The following TRIM33 variants were observed in gnomAD, a reference collection of about 807,000 sequenced individuals.
The protein encoded by TRIM33 is tripartite motif containing 33, also known as E3 ubiquitin-protein ligase TRIM33.
In TRIM33, 20 loss-of-function variants were observed where a neutral mutation model predicts 125.4. The ratio of observed to expected loss-of-function variants is 0.16; its 90% CI spans 0.11 to 0.23. The LOEUF is 0.23. Among genes scored for constraint, TRIM33 ranks in the 10% least tolerant of loss-of-function variants. The pLI is 1.00. For synonymous variants in TRIM33, 564 were observed against 513.9 expected, an observed-to-expected ratio of 1.10 and a Z score of -1.32; for missense variants, 920 against 1,411.4, an observed-to-expected ratio of 0.65 and a Z score of 5.58.
chr1:114,454,861 A>G (rs938288975), intron 4 of TRIM33, among the ~76,000 whole-genome samples: 1 of 152,168 alleles, frequency 6.6e-6, no homozygotes, highest in Non-Finnish European at 1.5e-5. Flanking sequence ...GGAACATTAG[A>G]TAGCATGTCT....
chr1:114,428,357 C>T (rs1468337894), intron 6 of TRIM33, among the ~76,000 whole-genome samples: 1 of 152,142 alleles, frequency 6.6e-6, no homozygotes, highest in Non-Finnish European at 1.5e-5. Flanking sequence ...AAAAAGATAA[C>T]TTCCAGAGTT....
chr1:114,414,989 A>ATTTTTTTTTT (rs56960865), intron 11 of TRIM33, among the ~76,000 whole-genome samples: 65 of 104,702 alleles, frequency 6.2e-4, no homozygotes, highest in Non-Finnish European at 7.3e-4. Context: ...GGTAGATTCT[A>ATTTTTTTTTT]TTTTTTTTTT....
At chr1:114,419,226 G>GAA (rs1456687132) in intron 11 of TRIM33, among the ~76,000 whole-genome samples, 1 of 142,988 alleles carries the variant, frequency 7.0e-6, no homozygotes, top group Non-Finnish European at 1.5e-5. Flanking sequence ...AAAAAAGAAA[G>GAA]AAAGAATGAA....
chr1:114,423,731 G>C (rs114945311), intron 10 of TRIM33, among the ~76,000 whole-genome samples: 2,342 of 152,010 alleles, frequency 0.015, 47 homozygotes, highest in African/African-American at 0.054. Flanking sequence ...AGCTCTTTCT[G>C]GGCGTACATG....
intron 4 of TRIM33, among the ~76,000 whole-genome samples, chr1:114,453,364 G>GA (rs369947780): frequency 0.11 from 14,648 of 130,848 alleles, 792 homozygotes; most frequent in African/African-American, 0.14. Flanking sequence ...TCTGTCTCAG[G>GA]AAAAAAAAAA....
rs553405501 is a variant in TRIM33, at chr1:114,406,872, A to T, written c.2418+69T>A. 27 of 1,474,080 alleles carry T rather than the reference A, an allele frequency of 1.8e-5. No homozygotes were observed. The East Asian group carries it at 5.9e-4, about 32-fold the overall frequency. 91.3% of individuals were successfully genotyped at this position (1,474,080 alleles called of 1,614,324 possible). ...TCTAGACCCACTACTTAGTCTTAAT[A>T]TACTCAGAGCTGAAAGAATCAATGA... On this transcript the variant is annotated intron_variant, in intron 14 of 19. Transcript: ENST00000358465.
At chr1:114,481,208 T>C (rs1651311990) in intron 1 of TRIM33, among the ~76,000 whole-genome samples, 2 of 151,586 alleles carry the variant, frequency 1.3e-5, no homozygotes, top group Admixed American at 1.3e-4. Flanking sequence ...TCTCAAAGCA[T>C]ATTACTAAGT....
intron 1 of TRIM33, among the ~76,000 whole-genome samples, chr1:114,479,048 T>G (rs1651139299): frequency 6.6e-6 from 1 of 151,694 alleles, no homozygotes; most frequent in South Asian, 2.1e-4. Context: ...AAACTCTATC[T>G]CAAAAAACAA....
At chr1:114,505,473 T>C (rs1652942737) in intron 1 of TRIM33, among the ~76,000 whole-genome samples, 1 of 152,156 alleles carries the variant, frequency 6.6e-6, no homozygotes, top group Admixed American at 6.5e-5. Context: ...AGAAACACTA[T>C]GAGGAAGTGC....
chr1:114,446,842 A>G (rs1041056213), intron 4 of TRIM33, among the ~76,000 whole-genome samples: 4 of 152,154 alleles, frequency 2.6e-5, no homozygotes, highest in African/African-American at 9.7e-5. Context: ...ATCACACTTG[A>G]GCCCAGGAGT....
Position 114,479,960 on chromosome 1 carries a change from G to A in TRIM33, c.527-15572C>T, listed in dbSNP as rs577859434. Among the ~76,000 whole-genome samples the A allele has an allele frequency of 2.4e-3, 359 of 152,188 alleles. 3 individuals are homozygous for A. Among genetic ancestry groups the A allele is most frequent in the Non-Finnish European group, 4.1e-3 (282 of 67,998 alleles). ...AAGTGAGGAGCCCCTCTGCCCGGCC[G>A]CCACCCCGTCTGGGAGGTGTACCCA... On this transcript the variant is annotated intron_variant, in intron 1 of 19. Transcript: ENST00000358465.
At chr1:114,484,485 G>A (rs1651549904) in intron 1 of TRIM33, among the ~76,000 whole-genome samples, 2 of 152,122 alleles carry the variant, frequency 1.3e-5, no homozygotes, top group African/African-American at 2.4e-5. Context: ...CCAGTACTTT[G>A]GGAGGCTGAG....
intron 1 of TRIM33, among the ~76,000 whole-genome samples, chr1:114,495,760 T>C (rs1346256362): frequency 6.6e-6 from 1 of 152,102 alleles, no homozygotes; most frequent in Non-Finnish European, 1.5e-5. Context: ...TAAAATCATA[T>C]AATACACAAA....
In TRIM33 at chr1:114,397,620, T is replaced by A. The variant is rs1348288180; in HGVS notation, c.*28A>T. The A allele has an allele frequency of 7.9e-5, 95 of 1,197,228 alleles. No individual in the cohort carries two copies. The highest frequency in any genetic ancestry group is 9.7e-5 in the South Asian group (7 of 72,056). The allele number at this position is 1,197,228 out of a possible 1,614,324, so 74.2% of individuals were successfully genotyped here. Reference sequence around the variant, plus strand: ...TTTTTTTTTTTCGTTTTTTTTTTTTTAAACAATTGATTTAAATCCATGTCA... The same window carrying A: ...TTTTTTTTTTTCGTTTTTTTTTTTTAAAACAATTGATTTAAATCCATGTCA... On this transcript the variant is annotated 3_prime_UTR_variant, in exon 20 of 20. Transcript: ENST00000358465.
At chr1:114,476,564 T>C (rs1049445210) in intron 1 of TRIM33, among the ~76,000 whole-genome samples, 8 of 151,948 alleles carry the variant, frequency 5.3e-5, no homozygotes, top group African/African-American at 9.7e-5. Flanking sequence ...GAAAACAAAA[T>C]TGATAACCTA....
chr1:114,455,987 C>A (rs1649593666), intron 4 of TRIM33, among the ~76,000 whole-genome samples: 1 of 152,098 alleles, frequency 6.6e-6, no homozygotes, highest in Admixed American at 6.6e-5. Context: ...GCCCAAGGCA[C>A]CATAATTCTA....
chr1:114,401,544 A>C (rs1028615129), intron 16 of TRIM33, 81 bp from the exon 17 acceptor site: 16 of 1,190,526 alleles, frequency 1.3e-5, no homozygotes, highest in Non-Finnish European at 1.8e-5. Flanking sequence ...CTATATCACA[A>C]CAAAGTTTGA....
intron 5 of TRIM33, among the ~76,000 whole-genome samples, chr1:114,431,932 A>C (rs1262331410): frequency 6.6e-6 from 1 of 152,222 alleles, no homozygotes; most frequent in Non-Finnish European, 1.5e-5. Context: ...ATCACTAAGC[A>C]TGCTGAAAAC....
At position 114,395,279 on chromosome 1, in the gene TRIM33, A is replaced by T. The variant is rs1172375689; in HGVS notation, c.*2369T>A. ...ATCTTAACAGAAGTGGAGGCTATTA[A>T]ATGTTGACAAAAAAGTGGCTTTTAA... On this transcript the variant is annotated 3_prime_UTR_variant, in exon 20 of 20. Transcript: ENST00000358465. 1 of 204,906 alleles carries T rather than the reference A, an allele frequency of 4.9e-6. No homozygotes were observed. Among genetic ancestry groups the T allele is most frequent in the Non-Finnish European group, 1.0e-5 (1 of 100,150 alleles). 12.7% of individuals were successfully genotyped at this position (204,906 alleles called of 1,614,324 possible).
Sources: allele counts gnomAD v4.1 joint callset (sites outside exome capture counted in the v4.1 genomes callset), GRCh38; gene constraint gnomAD v4.1.1; transcripts MANE v1.5; gene names NCBI Gene and HGNC (gene_info 2026-07-23, HGNC 2026-07-21).